HFM1: variants seen among roughly 807,000 people sequenced by gnomAD.
The protein encoded by HFM1 is helicase for meiosis 1.
HFM1 carries 169 observed loss-of-function variants against 192.1 expected under a neutral mutation model. That is an observed-to-expected ratio of 0.88 (90% CI 0.78 to 1.00). The LOEUF is 1.00. HFM1 is among the 50% of genes least tolerant of loss of function. The pLI is 0.00. For missense variants in HFM1, 1,661 were observed against 1,668.0 expected (o/e 1.00, Z 0.07); for synonymous variants, 525 against 537.8 (o/e 0.98, Z 0.33).
At chr1:91,321,489 C>A (rs188796706) in intron 23 of HFM1, among the ~76,000 whole-genome samples, 3 of 151,938 alleles carry the variant, frequency 2.0e-5, no homozygotes, top group Admixed American at 2.0e-4. Context: ...GGGAAGAAAC[C>A]AGAAACTTGA....
rs1662128175 is a variant in HFM1, at chr1:91,385,778, A to G, written c.551T>C (p.Leu184Ser). ...TTTCACTGAGCCAATGTGAGAGTCC[A>G]ATTCATTGTCATTAGAATAAGCACT... The part of the protein sequence containing the change: ...HGSAYSNDNE[L>S]DSHIGSVKIV... Residue 184 changes from leucine (L) to serine (S), a missense_variant, in exon 5 of 39, where the codon TTG becomes TCG. Leu to Ser is a moderately radical substitution (Grantham distance 145). Transcript: ENST00000370425. 1.2e-6 allele frequency: 2 copies of G among 1,607,510 alleles called. No homozygotes were observed. The highest frequency in any genetic ancestry group is 2.2e-5 in the South Asian group (2 of 90,962).
intron 4 of HFM1, among the ~76,000 whole-genome samples, chr1:91,391,189 T>C (rs1452188617): frequency 2.0e-5 from 3 of 152,194 alleles, no homozygotes; most frequent in Admixed American, 6.5e-5. Flanking sequence ...AGGTAATTGA[T>C]AGATTCAATG....
At chr1:91,382,683 G>A (rs1280191343) in intron 6 of HFM1, among the ~76,000 whole-genome samples, 2 of 152,146 alleles carry the variant, frequency 1.3e-5, no homozygotes, top group Non-Finnish European at 2.9e-5. Flanking sequence ...ACAAGCCCAC[G>A]AGTGGGCCAT....
chr1:91,377,109 T>C (rs1448939202), intron 11 of HFM1, among the ~76,000 whole-genome samples: 4 of 151,374 alleles, frequency 2.6e-5, no homozygotes, highest in Non-Finnish European at 4.4e-5. Context: ...AAAAAAAGAG[T>C]ATGTACATTA....
intron 38 of HFM1, 149 bp downstream of exon 38, chr1:91,262,092 G>T: frequency 2.3e-6 from 1 of 439,670 alleles, no homozygotes; most frequent in Non-Finnish European, 4.1e-6. Context: ...AAAGAGCTTA[G>T]CTCACTGAGG....
At chr1:91,356,530 T>C (rs1657763450) in intron 13 of HFM1, among the ~76,000 whole-genome samples, 1 of 151,932 alleles carries the variant, frequency 6.6e-6, no homozygotes, top group Non-Finnish European at 1.5e-5. Context: ...ATAGACAGCC[T>C]AACATTATAC....
chr1:91,261,080 A>T lies in HFM1; in HGVS notation c.*210T>A, dbSNP rs41286771. Reference sequence around the variant, plus strand: ...TTAACTTAAGGGCTTATTGAAACAAAGCCACTGTAAAAGAGCTTTTCAAGA... The same window carrying T: ...TTAACTTAAGGGCTTATTGAAACAATGCCACTGTAAAAGAGCTTTTCAAGA... On this transcript the variant is annotated 3_prime_UTR_variant, in exon 39 of 39. Transcript: ENST00000370425. The T allele has an allele frequency of 3.4e-4, 111 of 326,508 alleles. No individual in the cohort carries two copies. Among genetic ancestry groups the T allele is most frequent in the Non-Finnish European group, 5.3e-4 (91 of 172,780 alleles). The allele number at this position is 326,508 out of a possible 1,614,324, so 20.2% of individuals were successfully genotyped here.
intron 25 of HFM1, among the ~76,000 whole-genome samples, chr1:91,317,725 T>C (rs1230718699): frequency 6.6e-6 from 1 of 152,222 alleles, no homozygotes; most frequent in East Asian, 1.9e-4. Context: ...AATTCCTTAA[T>C]GTTCATTTCC....
intron 28 of HFM1, among the ~76,000 whole-genome samples, chr1:91,314,379 G>T (rs1001298468): frequency 6.6e-6 from 1 of 152,220 alleles, no homozygotes; most frequent in East Asian, 1.9e-4. Context: ...TCGGTCTCCC[G>T]AGTAGCTGGG....
intron 20 of HFM1, among the ~76,000 whole-genome samples, 184 bp downstream of exon 20, chr1:91,343,246 A>AAC (rs1336350080): frequency 1.3e-5 from 2 of 150,820 alleles, no homozygotes; most frequent in Non-Finnish European, 3.0e-5. Context: ...AAAAAAAAAA[A>AAC]AAAAAAACTA....
At chr1:91,385,128 G>A in intron 6 of HFM1, 59 bp downstream of exon 6, 2 of 974,412 alleles carry the variant, frequency 2.1e-6, no homozygotes, top group Non-Finnish European at 3.2e-6. Flanking sequence ...TTAAACAAAT[G>A]TTTTAAAATT....
At chr1:91,375,260 G>A in intron 13 of HFM1, 98 bp downstream of exon 13, 1 of 755,896 alleles carries the variant, frequency 1.3e-6, no homozygotes, top group East Asian at 2.6e-5. Context: ...AGGACACTGA[G>A]GTTTACCCCA....
intron 30 of HFM1, among the ~76,000 whole-genome samples, chr1:91,289,145 T>A (rs1014950032): frequency 2.0e-5 from 3 of 148,604 alleles, no homozygotes; most frequent in African/African-American, 7.5e-5. Flanking sequence ...ATTTCTCAGA[T>A]GGGGCAGCCA....
chr1:91,362,052 TAA>T (rs1185078304), intron 13 of HFM1, among the ~76,000 whole-genome samples: 3 of 152,102 alleles, frequency 2.0e-5, no homozygotes, highest in Non-Finnish European at 4.4e-5. Context: ...CTCAAAATAA[TAA>T]GAGCTATATA....
chr1:91,363,963 C>T (rs1432264362), intron 13 of HFM1, among the ~76,000 whole-genome samples: 1 of 152,094 alleles, frequency 6.6e-6, no homozygotes, highest in African/African-American at 2.4e-5. Flanking sequence ...CATGTTCTCA[C>T]TTATAAGTGG....
At chr1:91,378,352 T>C (rs1193549268) in intron 10 of HFM1, 51 bp downstream of exon 10, 2 of 1,419,844 alleles carry the variant, frequency 1.4e-6, no homozygotes, top group African/African-American at 2.8e-5. Context: ...CTTTCTGTCT[T>C]ATTCTAATTA....
chr1:91,394,327 G>T lies in HFM1; in HGVS notation c.260C>A (p.Thr87Lys). ...AGGAAAGGCAAACTGGAATTTTTGT[G>T]TTAGTGAAATATAATTTGTATCTTC... ...TNEDTNYISLTQKFQFAFPSD... is the reference protein window; with the variant it reads ...TNEDTNYISLKQKFQFAFPSD... Residue 87 changes from threonine to lysine, a missense_variant, in exon 4 of 39, where the codon ACA becomes AAA. Physicochemically the swap from Thr to Lys is moderately conservative, Grantham distance 78. Coordinates refer to ENST00000370425, the MANE Select transcript of HFM1 (RefSeq NM_001017975.6). The T allele has an allele frequency of 6.3e-7, 1 of 1,581,886 alleles. No homozygotes were observed. The highest frequency in any genetic ancestry group is 8.7e-7 in the Non-Finnish European group (1 of 1,152,112).
chr1:91,375,214 A>G, intron 13 of HFM1, 144 bp downstream of exon 13: 1 of 607,178 alleles, frequency 1.6e-6, no homozygotes. Flanking sequence ...ATCTCACTTA[A>G]TCCTCAAAAT....
At chr1:91,294,418 G>A (rs1350998573) in intron 30 of HFM1, among the ~76,000 whole-genome samples, 1 of 152,096 alleles carries the variant, frequency 6.6e-6, no homozygotes, top group Non-Finnish European at 1.5e-5. Context: ...TTAACTTTAT[G>A]TTAGTGATAT....
Sources: gnomAD v4.1 joint callset for allele counts (sites outside exome capture counted in the v4.1 genomes callset) on GRCh38, gnomAD v4.1.1 for gene constraint, MANE v1.5 for transcripts, NCBI Gene and HGNC (gene_info 2026-07-23, HGNC 2026-07-21) for gene names.